TENM3: variants seen among roughly 807,000 people sequenced by gnomAD.
The protein encoded by TENM3 is teneurin transmembrane protein 3.
A neutral mutation model predicts 255.1 loss-of-function variants in TENM3; 63 were observed. The ratio of observed to expected loss-of-function variants is 0.25; its 90% CI spans 0.20 to 0.30. TENM3 has a LOEUF of 0.30. Among genes scored for constraint, TENM3 ranks in the 10% least tolerant of loss-of-function variants. TENM3 has a pLI of 1.00. For missense variants in TENM3, 2,929 were observed against 3,461.1 expected (o/e 0.85, Z 3.86); for synonymous variants, 1,306 against 1,322.3 (o/e 0.99, Z 0.27).
intron 12 of TENM3, among the ~76,000 whole-genome samples, chr4:182,695,541 G>T (rs1757337980): frequency 6.6e-6 from 1 of 152,162 alleles, no homozygotes; most frequent in Admixed American, 6.5e-5. Context: ...CATATGAGGT[G>T]TGAAATCACT....
chr4:181,569,279 C>T, the TENM3 span, among the ~76,000 whole-genome samples: 1 of 152,290 alleles, frequency 6.6e-6, no homozygotes. Flanking sequence ...TCACCACGTC[C>T]TTGTTTAAGC....
At chr4:181,875,992 A>G in the TENM3 span, among the ~76,000 whole-genome samples, 9 of 152,248 alleles carry the variant, frequency 5.9e-5, no homozygotes, top group Admixed American at 2.6e-4. Context: ...ATCTTTGGCC[A>G]TAAATATGCT....
the TENM3 span, among the ~76,000 whole-genome samples, chr4:182,090,882 CATTT>C: frequency 1.3e-5 from 2 of 152,106 alleles, no homozygotes; most frequent in East Asian, 3.8e-4. Context: ...AAATAATAAC[CATTT>C]ATTTAATCTT....
intron 3 of TENM3, among the ~76,000 whole-genome samples, chr4:182,377,726 T>A (rs1767273898): frequency 6.6e-6 from 1 of 152,194 alleles, no homozygotes; most frequent in Non-Finnish European, 1.5e-5. Flanking sequence ...GTTTATATGA[T>A]TTTTAAATTT....
the TENM3 span, among the ~76,000 whole-genome samples, chr4:181,558,574 G>A: frequency 6.6e-6 from 1 of 152,192 alleles, no homozygotes; most frequent in Non-Finnish European, 1.5e-5. Flanking sequence ...CAGTCCAAAT[G>A]GATGCATTTA....
intron 1 of TENM3, among the ~76,000 whole-genome samples, chr4:182,294,983 G>T (rs1761370108): frequency 7.1e-6 from 1 of 141,558 alleles, no homozygotes; most frequent in Non-Finnish European, 1.5e-5. Flanking sequence ...GCATTTAATG[G>T]CCCATAAAAT....
chr4:181,980,260 C>G, the TENM3 span: 1 of 152,144 alleles, frequency 6.6e-6, no homozygotes, highest in Admixed American at 6.5e-5. Flanking sequence ...GTTCGCAAGC[C>G]TTCTGAGTGC....
At position 182,738,425 on chromosome 4, in the gene TENM3, C is replaced by T. The variant is rs778518864; in HGVS notation, c.3260C>T (p.Ser1087Leu). The T allele has an allele frequency of 2.5e-6, 4 of 1,611,508 alleles. No homozygotes were observed. Among genetic ancestry groups the T allele is most frequent in the East Asian group, 4.5e-5 (2 of 44,684 alleles). ...GTGTCAGTTGGATATGAGTATGAGT[C>T]GTGTTTGGACCTGACTCTGTGGGAA... ...AVVSVGYEYE[S>L]CLDLTLWEKR... The change falls in exon 18 of 28, where the codon TCG becomes TTG. Residue 1087 changes from serine to leucine, a missense_variant. Around this residue, in one of 6 missense-constraint regions of TENM3, gnomAD observed 1,608 missense variants for 1,884.4 expected, o/e 0.85. Transcript: ENST00000511685.
At chr4:182,418,168 T>C (rs1309393445) in intron 3 of TENM3, among the ~76,000 whole-genome samples, 2 of 152,086 alleles carry the variant, frequency 1.3e-5, no homozygotes, top group East Asian at 3.9e-4. Context: ...GCCAAAAAAG[T>C]AGGGAAACAT....
Position 182,376,175 on chromosome 4 carries a change from C to T in TENM3, c.511+29246C>T, listed in dbSNP as rs75939440. Among the ~76,000 whole-genome samples, 409 of 152,218 alleles carry T rather than the reference C, an allele frequency of 2.7e-3. 5 individuals carry two copies. The highest frequency in any genetic ancestry group is 9.4e-3 in the African/African-American group (390 of 41,534). The stretch of plus-strand genomic sequence containing the variant: ...GCAACATTTGCGCTGTCATTTGGCA[C>T]GCTTTTGGAATCAATATTGTAGAAT... On this transcript the variant is annotated intron_variant, in intron 3 of 27. Transcript: ENST00000511685.
At chr4:182,654,859 C>CT (rs911621892) in intron 6 of TENM3, among the ~76,000 whole-genome samples, 25 of 152,068 alleles carry the variant, frequency 1.6e-4, no homozygotes, top group Non-Finnish European at 3.2e-4. Context: ...CTTTTTTATT[C>CT]TTTTTTTTCC....
At chr4:181,546,487 G>A in the TENM3 span, among the ~76,000 whole-genome samples, 7 of 151,506 alleles carry the variant, frequency 4.6e-5, no homozygotes, top group South Asian at 2.1e-4. Context: ...AGGCCGAGGC[G>A]GCTGGATCAC....
the TENM3 span, among the ~76,000 whole-genome samples, chr4:182,044,398 T>C: frequency 8.5e-5 from 13 of 152,366 alleles, no homozygotes; most frequent in African/African-American, 2.9e-4. Context: ...ACTAATGCTT[T>C]CCAGTGTGAT....
chr4:182,724,958 C>T (rs1760045867), intron 13 of TENM3, among the ~76,000 whole-genome samples: 1 of 152,048 alleles, frequency 6.6e-6, no homozygotes, highest in Admixed American at 6.6e-5. Context: ...TATCATAAAA[C>T]ACATTTGAAA....
At chr4:182,778,565 C>A (rs1764883155) in intron 24 of TENM3, among the ~76,000 whole-genome samples, 1 of 152,156 alleles carries the variant, frequency 6.6e-6, no homozygotes, top group African/African-American at 2.4e-5. Flanking sequence ...CCCTTCCTTA[C>A]TTCCCCCCAT....
chr4:181,569,322 C>T, the TENM3 span, among the ~76,000 whole-genome samples: 20,596 of 152,074 alleles, frequency 0.14, 1,462 homozygotes, highest in East Asian at 0.2. Context: ...TATTTGACCA[C>T]GATAAGCCTG....
chr4:182,643,155 A>C (rs1333448534), intron 5 of TENM3, among the ~76,000 whole-genome samples: 1 of 152,220 alleles, frequency 6.6e-6, no homozygotes, highest in Non-Finnish European at 1.5e-5. Context: ...AGCCAATCAA[A>C]TGATTGCCCT....
chr4:182,058,966 G>GTGTGTGTA, the TENM3 span, among the ~76,000 whole-genome samples: 1 of 151,504 alleles, frequency 6.6e-6, no homozygotes, highest in Admixed American at 6.6e-5. Context: ...GTGTGTGTGT[G>GTGTGTGTA]TGTGTGTGTG....
the TENM3 span, among the ~76,000 whole-genome samples, chr4:182,123,108 C>T: frequency 5.4e-3 from 822 of 152,246 alleles, 7 homozygotes; most frequent in African/African-American, 0.019. Context: ...TGGCCTTGCT[C>T]GGGACTAGGC....
Sources: gnomAD v4.1 joint callset for allele counts (sites outside exome capture counted in the v4.1 genomes callset) on GRCh38, gnomAD v4.1.1 for gene constraint, gnomAD v4.1.1 regional missense constraint, MANE v1.5 for transcripts, NCBI Gene and HGNC (gene_info 2026-07-23, HGNC 2026-07-21) for gene names.